The following LOXL3 variants were observed in gnomAD, a reference collection of about 807,000 sequenced individuals.
LOXL3 encodes lysyl oxidase homolog 3.
A neutral mutation model predicts 91.8 loss-of-function variants in LOXL3; 60 were observed. The observed-to-expected ratio is 0.65, with a 90% CI of 0.53 to 0.81. LOXL3 has a LOEUF of 0.81. LOXL3 is among the 30% of genes least tolerant of loss of function. The pLI, the probability that LOXL3 is intolerant of heterozygous loss-of-function variation, is 0.00. For synonymous variants in LOXL3, 355 were observed against 387.6 expected, an observed-to-expected ratio of 0.92 and a Z score of 0.99; for missense variants, 874 against 1,000.4, an observed-to-expected ratio of 0.87 and a Z score of 1.70.
At position 74,549,370 on chromosome 2, in the gene LOXL3, T is replaced by A. The variant is rs373973191; in HGVS notation, c.691A>T (p.Arg231Trp). The A allele has an allele frequency of 1.2e-5, 19 of 1,597,586 alleles. No homozygotes were observed. In the African/African-American group the frequency reaches 2.4e-4, roughly 20 times the overall value. The change falls in exon 4 of 14, where the codon AGG becomes TGG. Residue 231 changes from arginine (R) to tryptophan (W), a missense_variant and splice_region_variant. Coordinates refer to ENST00000264094, the MANE Select transcript of LOXL3 (RefSeq NM_032603.5). This position sits in a 1 kb window ranked among gnomAD's most constrained non-coding sequence, Gnocchi z 5.3. ...SEKRVNAAFYRLLAQRQQHSF... is the reference protein window; with the variant it reads ...SEKRVNAAFYWLLAQRQQHSF... ...CGCCCGGCGCCCGCGGCCCCTCACC[T>A]GTAGAAGGCCGCGTTGACCCTCTTT...
rs1408965651 is a variant in LOXL3, at chr2:74,533,548, G to C, written c.*58C>G. The C allele has an allele frequency of 3.3e-6, 5 of 1,506,542 alleles. No individual in the cohort carries two copies. In the African/African-American group the frequency reaches 6.9e-5, roughly 21 times the overall value. The allele number at this position is 1,506,542 out of a possible 1,614,324, so 93.3% of individuals were successfully genotyped here. A position where few individuals can be genotyped will look rare whatever the true frequency, so the allele number is the denominator to read the frequency against. ...TTTCTTGGTAAGCTCCTGAGGTAAT[G>C]GCAGCCTCAGACCCCTGCCATTAGG... On this transcript the variant is annotated 3_prime_UTR_variant, in exon 14 of 14. Transcript: ENST00000264094.
intron 2 of LOXL3, among the ~76,000 whole-genome samples, chr2:74,551,318 T>G (rs758277330): frequency 1.1e-4 from 16 of 152,222 alleles, no homozygotes; most frequent in Admixed American, 2.0e-4. Context: ...TTCAAGGACA[T>G]CTCATTCACA....
intron 4 of LOXL3, among the ~76,000 whole-genome samples, chr2:74,543,015 T>G (rs1676409228): frequency 1.3e-5 from 2 of 152,200 alleles, no homozygotes; most frequent in African/African-American, 4.8e-5. Flanking sequence ...CAGACATTTT[T>G]CAGTCTTCAT....
chr2:74,534,872 T>A, intron 9 of LOXL3, 98 bp from the exon 10 acceptor site: 1 of 1,329,336 alleles, frequency 7.5e-7, no homozygotes, highest in Non-Finnish European at 1.0e-6. Flanking sequence ...GTTTTTTGTT[T>A]TTGTTTTTGT....
At chr2:74,541,559 A>G (rs1676322662) in intron 4 of LOXL3, among the ~76,000 whole-genome samples, 1 of 152,210 alleles carries the variant, frequency 6.6e-6, no homozygotes, top group Non-Finnish European at 1.5e-5. Flanking sequence ...TCTTATAAAT[A>G]TGGTGTGAAA....
In LOXL3 at chr2:74,549,526, T is replaced by C. The variant is rs1161694184; in HGVS notation, c.535A>G (p.Arg179Gly). ...CCCTCCGTCACGGGCAGGGGTCGTC[T>C]GCCCCACCCAACGGCGGGTCGAATT... is the stretch of plus-strand genomic sequence containing the variant. ...VRIRPAVGWG[R>G]RPLPVTEGLV... Residue 179 changes from arginine (R) to glycine (G), a missense_variant, in exon 4 of 14, where the codon AGA becomes GGA. Coordinates refer to ENST00000264094, the MANE Select transcript of LOXL3 (RefSeq NM_032603.5). The surrounding 1 kb of genome is among the most constrained non-coding windows in gnomAD (Gnocchi z 5.3). The C allele has an allele frequency of 1.2e-6, 2 of 1,613,050 alleles. No homozygotes were observed. Among genetic ancestry groups the C allele is most frequent in the East Asian group, 2.2e-5 (1 of 44,836 alleles).
intron 4 of LOXL3, among the ~76,000 whole-genome samples, chr2:74,541,009 T>C (rs1336784364): frequency 1.3e-5 from 2 of 152,208 alleles, no homozygotes; most frequent in Non-Finnish European, 2.9e-5. Context: ...CTGTTTCTCT[T>C]GAGGAGTCAT....
chr2:74,549,316 T>G lies in LOXL3; in HGVS notation c.692+53A>C, dbSNP rs977386574. 3 of 1,505,816 alleles carry G rather than the reference T, an allele frequency of 2.0e-6. No homozygotes were observed. The highest frequency in any genetic ancestry group is 2.1e-5 in the Admixed American group (1 of 47,304). The allele number at this position is 1,505,816 out of a possible 1,614,324, so 93.3% of individuals were successfully genotyped here. ...CTCAGATGTCTCCCAAGGCTATTCA[T>G]CAGGGAGCACCCCAATCCCGGCCTG... is the stretch of plus-strand genomic sequence containing the variant. On this transcript the variant is annotated intron_variant, in intron 4 of 13. Coordinates refer to ENST00000264094, the MANE Select transcript of LOXL3 (RefSeq NM_032603.5). The surrounding 1 kb of genome is among the most constrained non-coding windows in gnomAD (Gnocchi z 5.3).
At position 74,532,616 on chromosome 2, in the gene LOXL3, C is replaced by T. The variant is rs543380518; in HGVS notation, c.*990G>A. The stretch of plus-strand genomic sequence containing the variant: ...GCTAATAGGGTGATCTGTGTACTTT[C>T]AGCATCCTTGCTGAACTACAGCTTC... On this transcript the variant is annotated 3_prime_UTR_variant, in exon 14 of 14. Transcript: ENST00000264094. The T allele has an allele frequency of 6.2e-7, 1 of 1,612,974 alleles. No individual in the cohort carries two copies. The highest frequency in any genetic ancestry group is 1.3e-5 in the African/African-American group (1 of 74,990).
At chr2:74,544,249 C>T (rs1676485313) in intron 4 of LOXL3, among the ~76,000 whole-genome samples, 1 of 152,146 alleles carries the variant, frequency 6.6e-6, no homozygotes, top group Admixed American at 6.5e-5. Flanking sequence ...TTGCAGTGAG[C>T]AGAGATTGTG....
Position 74,532,742 on chromosome 2 carries a change from G to A in LOXL3, c.*864C>T, listed in dbSNP as rs1263581628. ...GAGGGAGAGGCTGCAGTGTGATATG[G>A]GGATGGGCAAGGTGTGCATGTGTCC... On this transcript the variant is annotated 3_prime_UTR_variant, in exon 14 of 14. Coordinates refer to ENST00000264094, the MANE Select transcript of LOXL3 (RefSeq NM_032603.5). The A allele has an allele frequency of 4.3e-6, 7 of 1,612,620 alleles. No homozygotes were observed. The highest frequency in any genetic ancestry group is 5.9e-6 in the Non-Finnish European group (7 of 1,178,744).
intron 1 of LOXL3, 157 bp from the exon 2 acceptor site, chr2:74,552,803 C>G (rs1174291385): frequency 1.5e-6 from 1 of 653,032 alleles, no homozygotes; most frequent in Non-Finnish European, 2.6e-6. Context: ...GACCAAGAGA[C>G]AGGGAGAGAA....
Position 74,536,668 on chromosome 2 carries a change from C to T in LOXL3, c.912+41G>A, listed in dbSNP as rs757677826. ...CTGGGGTTGCCAGGCTAGGGGTTCT[C>T]CACCTGGGGTGGGAAAGGTCATAAT... On this transcript the variant is annotated intron_variant, in intron 5 of 13. Transcript: ENST00000264094. This position sits in a 1 kb window ranked among gnomAD's most constrained non-coding sequence, Gnocchi z 4.5. 6.3e-7 allele frequency: 1 copy of T among 1,598,220 alleles called. No individual in the cohort carries two copies. Among genetic ancestry groups the T allele is most frequent in the Non-Finnish European group, 8.6e-7 (1 of 1,166,974 alleles).
rs755483219 is a variant in LOXL3, at chr2:74,535,545, G to C, written c.1416+43C>G. The C allele has an allele frequency of 6.2e-7, 1 of 1,612,406 alleles. No individual in the cohort carries two copies. Among genetic ancestry groups the C allele is most frequent in the South Asian group, 1.1e-5 (1 of 91,060 alleles). On this transcript the variant is annotated intron_variant, in intron 8 of 13. Coordinates refer to ENST00000264094, the MANE Select transcript of LOXL3 (RefSeq NM_032603.5). The surrounding 1 kb of genome is among the most constrained non-coding windows in gnomAD (Gnocchi z 4.2). ...CCTCAGCCCTCTGCCCAAAACACAG[G>C]CTTTGAGACAACAGCCTCGGCTCCC...
chr2:74,555,488 T>G (rs766686318), upstream of LOXL3: 2 of 1,609,606 alleles, frequency 1.2e-6, no homozygotes, highest in Non-Finnish European at 1.7e-6. The surrounding 1 kb of genome is among the most constrained non-coding windows in gnomAD (Gnocchi z 6.1). Flanking sequence ...TGGGGGCAGT[T>G]ACAGAGGCAG....
chr2:74,549,769 C>T lies in LOXL3; in HGVS notation c.478-186G>A. 1 of 1,428,276 alleles carries T rather than the reference C, an allele frequency of 7.0e-7. No individual in the cohort carries two copies. The highest frequency in any genetic ancestry group is 2.6e-4 in the Middle Eastern group (1 of 3,846). 88.5% of individuals were successfully genotyped at this position (1,428,276 alleles called of 1,614,324 possible). ...GTGGACTCTCTTGCAGCCAGCAGCG[C>T]GTGGGATGTGCTGTGCTCCCAGAGA... On this transcript the variant is annotated intron_variant, in intron 3 of 13. Coordinates refer to ENST00000264094, the MANE Select transcript of LOXL3 (RefSeq NM_032603.5). This position sits in a 1 kb window ranked among gnomAD's most constrained non-coding sequence, Gnocchi z 5.3.
chr2:74,537,021 C>T (rs1010376950), intron 4 of LOXL3, 93 bp from the exon 5 acceptor site: 5 of 949,144 alleles, frequency 5.3e-6, no homozygotes, highest in Non-Finnish European at 8.1e-6. Context: ...TCCACCATGC[C>T]CCCCACCCTT....
upstream of LOXL3, chr2:74,555,337 C>T (rs772701333): frequency 1.2e-6 from 2 of 1,613,968 alleles, no homozygotes; most frequent in Admixed American, 1.7e-5. This position sits in a 1 kb window ranked among gnomAD's most constrained non-coding sequence, Gnocchi z 6.1. Flanking sequence ...GGAGACCCCC[C>T]CTGAGCCCGG....
Position 74,549,767 on chromosome 2 carries a change from C to A in LOXL3, c.478-184G>T. 3 of 1,428,694 alleles carry A rather than the reference C, an allele frequency of 2.1e-6. No individual in the cohort carries two copies. The South Asian group carries it at 4.7e-5, about 22-fold the overall frequency. 88.5% of individuals were successfully genotyped at this position (1,428,694 alleles called of 1,614,324 possible). A position where few individuals can be genotyped will look rare whatever the true frequency, so the allele number is the denominator to read the frequency against. ...GTGTGGACTCTCTTGCAGCCAGCAG[C>A]GCGTGGGATGTGCTGTGCTCCCAGA... On this transcript the variant is annotated intron_variant, in intron 3 of 13. Transcript: ENST00000264094. This position sits in a 1 kb window ranked among gnomAD's most constrained non-coding sequence, Gnocchi z 5.3.
Sources: allele counts gnomAD v4.1 joint callset (sites outside exome capture counted in the v4.1 genomes callset), GRCh38; gene constraint gnomAD v4.1.1; non-coding constraint Gnocchi (gnomAD v3.1); transcripts MANE v1.5; gene names NCBI Gene and HGNC (gene_info 2026-07-23, HGNC 2026-07-21).